ELAC2: variants seen among roughly 807,000 people sequenced by gnomAD.
The protein encoded by ELAC2 is elaC ribonuclease Z 2.
ELAC2 carries 92 observed loss-of-function variants against 105.2 expected under a neutral mutation model. The ratio of observed to expected loss-of-function variants is 0.87; its 90% CI spans 0.74 to 1.04. ELAC2 has a LOEUF of 1.04. Among genes scored for constraint, ELAC2 ranks in the 50% least tolerant of loss-of-function variants. The probability of loss-of-function intolerance (pLI) is 0.00; values close to 1 mark genes in which losing one functional copy is unlikely to be tolerated. For synonymous variants in ELAC2, 468 were observed against 409.1 expected (o/e 1.14, Z -1.74); for missense variants, 1,099 against 1,071.7 (o/e 1.03, Z -0.36).
intron 11 of ELAC2, among the ~76,000 whole-genome samples, chr17:13,004,643 G>C (rs1174406801): frequency 2.6e-5 from 4 of 152,182 alleles, no homozygotes. Flanking sequence ...GCAGGTAATG[G>C]AAGAAAATTA....
Position 12,997,828 on chromosome 17 carries a change from T to A in ELAC2, c.1520+584A>T, listed in dbSNP as rs766731277. Among the ~76,000 whole-genome samples the A allele has an allele frequency of 3.9e-5, 6 of 152,344 alleles. No homozygotes were observed. The Middle Eastern group carries it at 0.01, about 259-fold the overall frequency. ...GATAACGTGTACATGTCACAACGCA[T>A]TTGACTAATCTCTCTGCTGATGACC... On this transcript the variant is annotated intron_variant, in intron 16 of 23. Coordinates refer to ENST00000338034, the MANE Select transcript of ELAC2 (RefSeq NM_018127.7).
In ELAC2 at chr17:13,010,207, G is replaced by A. The variant is rs1567766292; in HGVS notation, c.738+406C>T. Among the ~76,000 whole-genome samples, 4 of 151,492 alleles carry A rather than the reference G, an allele frequency of 2.6e-5. No homozygotes were observed. The South Asian group carries it at 8.3e-4, about 32-fold the overall frequency. On this transcript the variant is annotated intron_variant, in intron 8 of 23. Coordinates refer to ENST00000338034, the MANE Select transcript of ELAC2 (RefSeq NM_018127.7). ...TTTTTCTTTGAGAGAGTCTTGCTCT[G>A]TCACCCAGGCTGGAGTGCAATGGTG...
At chr17:13,017,576 A>C (rs2041814820) in intron 1 of ELAC2, 127 bp downstream of exon 1, 2 of 1,512,690 alleles carry the variant, frequency 1.3e-6, no homozygotes, top group East Asian at 4.7e-5. Context: ...CCATAACTCC[A>C]CGAACCCCCG....
At chr17:13,012,208 G>T (rs748736009) in intron 6 of ELAC2, among the ~76,000 whole-genome samples, 3 of 152,176 alleles carry the variant, frequency 2.0e-5, no homozygotes, top group African/African-American at 4.8e-5. Flanking sequence ...GAGAATGAAC[G>T]TAAGTTCACT....
At position 12,996,058 on chromosome 17, in the gene ELAC2, T is replaced by C. The variant is rs1215238186; in HGVS notation, c.1660-80A>G. The stretch of plus-strand genomic sequence containing the variant: ...GGTTAGGGTCTGCAGCCCTCTCTCT[T>C]GCAGGAGTTGCCAGCCCGACGTCAC... On this transcript the variant is annotated intron_variant, in intron 17 of 23. Coordinates refer to ENST00000338034, the MANE Select transcript of ELAC2 (RefSeq NM_018127.7). The C allele has an allele frequency of 4.7e-6, 7 of 1,488,948 alleles. No individual in the cohort carries two copies. The African/African-American group carries it at 8.4e-5, about 18-fold the overall frequency. 92.2% of individuals were successfully genotyped at this position (1,488,948 alleles called of 1,614,324 possible). A position where few individuals can be genotyped will look rare whatever the true frequency, so the allele number is the denominator to read the frequency against.
At chr17:13,011,587 T>A in intron 7 of ELAC2, 76 bp downstream of exon 7, 1 of 1,610,868 alleles carries the variant, frequency 6.2e-7, no homozygotes, top group East Asian at 2.2e-5. Flanking sequence ...CAATAATGAC[T>A]CTCTACAAGC....
At chr17:13,010,999 T>C (rs75919289) in intron 7 of ELAC2, among the ~76,000 whole-genome samples, 1 of 152,164 alleles carries the variant, frequency 6.6e-6, no homozygotes, top group Admixed American at 6.5e-5. Context: ...ACACATATAA[T>C]ATATGAAATA....
intron 16 of ELAC2, among the ~76,000 whole-genome samples, chr17:12,997,574 C>CG (rs2040541224): frequency 6.6e-6 from 1 of 152,098 alleles, no homozygotes; most frequent in African/African-American, 2.4e-5. Flanking sequence ...TCTCAGCCCC[C>CG]GGGAGAGGCC....
intron 23 of ELAC2, 29 bp from the exon 24 acceptor site, chr17:12,993,074 T>C (rs776663945): frequency 6.3e-7 from 1 of 1,596,684 alleles, no homozygotes; most frequent in South Asian, 1.1e-5. Context: ...GACAAGGACA[T>C]GTCTCAGAGG....
chr17:12,996,248 A>C (rs1293444237), intron 17 of ELAC2: 3 of 625,918 alleles, frequency 4.8e-6, no homozygotes, highest in African/African-American at 1.8e-5. Context: ...TCATAGCCAC[A>C]CCTCCTGCAT....
Position 12,995,765 on chromosome 17 carries a change from G to C in ELAC2, c.1746C>G (p.Asn582Lys). ...ACTGCTGGAGCCAGGCTTTGAGCTG[G>C]TTGGGGGCAACCACCAGCAAAGGGT... ...PLHPLLVVAP[N>K]QLKAWLQQYH... The change falls in exon 19 of 24, where the codon AAC becomes AAG. Residue 582 changes from asparagine (N) to lysine (K), a missense_variant. By Grantham distance (94) the Asn-to-Lys change is moderately conservative. Transcript: ENST00000338034. The C allele has an allele frequency of 6.2e-7, 1 of 1,613,142 alleles. No homozygotes were observed.
chr17:13,005,157 A>G (rs754052669), intron 10 of ELAC2, 56 bp from the exon 11 acceptor site: 1 of 1,274,156 alleles, frequency 7.8e-7, no homozygotes, highest in Non-Finnish European at 1.1e-6. Flanking sequence ...ACCAAACTGA[A>G]CTGCCTTCAA....
Position 12,995,055 on chromosome 17 carries a change from G to A in ELAC2, c.1816C>T (p.Pro606Ser), listed in dbSNP as rs1211428067. 1.9e-6 allele frequency: 3 copies of A among 1,614,098 alleles called. No homozygotes were observed. The highest frequency in any genetic ancestry group is 2.5e-6 in the Non-Finnish European group (3 of 1,179,984). ...GCCCCTTCCTGAAGGCATTTGGCAG[G>A]AATCATACTGTAAAAAGACAAAACA... Reference protein sequence around the residue: ...QEVLHHISMIPAKCLQEGAEI... With the variant: ...QEVLHHISMISAKCLQEGAEI... Residue 606 changes from proline (P) to serine (S), a missense_variant, in exon 20 of 24, where the codon CCT becomes TCT. Physicochemically the swap from Pro to Ser is moderately conservative, Grantham distance 74. Coordinates refer to ENST00000338034, the MANE Select transcript of ELAC2 (RefSeq NM_018127.7).
intron 7 of ELAC2, 60 bp downstream of exon 7, chr17:13,011,603 A>C (rs41494747): frequency 6.2e-7 from 1 of 1,612,880 alleles, no homozygotes; most frequent in South Asian, 1.1e-5. Flanking sequence ...CAAGCATTAC[A>C]AGGCAGAGAA....
chr17:13,013,085 C>A, intron 6 of ELAC2, 122 bp downstream of exon 6: 1 of 1,140,066 alleles, frequency 8.8e-7, no homozygotes, highest in East Asian at 2.5e-5. Flanking sequence ...ACTAAATTTT[C>A]TAATCATGCT....
chr17:12,992,136 T>TTTGATTGA lies in ELAC2; in HGVS notation c.*681_*682insTCAATCAA, dbSNP rs2040208397. Among the ~76,000 whole-genome samples the TTTGATTGA allele has an allele frequency of 1.6e-5, 2 of 122,090 alleles. No individual in the cohort carries two copies. Among genetic ancestry groups the TTTGATTGA allele is most frequent in the East Asian group, 5.4e-4 (2 of 3,692 alleles). 80.1% of individuals were successfully genotyped at this position (122,090 alleles called of 152,430 possible). On this transcript the variant is annotated 3_prime_UTR_variant, in exon 24 of 24. Coordinates refer to ENST00000338034, the MANE Select transcript of ELAC2 (RefSeq NM_018127.7). ...GGCTCTCACTGATTGATTTGATTGA[T>TTTGATTGA]TGATTGATTGATTGATAGAGAAAGC...
chr17:12,995,412 T>G (rs552986535), intron 19 of ELAC2, among the ~76,000 whole-genome samples: 1 of 152,328 alleles, frequency 6.6e-6, no homozygotes, highest in East Asian at 1.9e-4. Context: ...TTTGGGTGCT[T>G]GGCTCTGGAA....
rs575113310 is a variant in ELAC2 at position 13,000,766 on chromosome 17, C to T, written c.1305-492G>A. 9.7e-5 allele frequency: 19 copies of T among 196,122 alleles called. 1 individual carries two copies. The South Asian group carries it at 1.8e-3, about 18-fold the overall frequency. 12.1% of individuals were successfully genotyped at this position (196,122 alleles called of 1,614,324 possible). On this transcript the variant is annotated intron_variant, in intron 14 of 23. Transcript: ENST00000338034. ...GCAGCTCTGCAGTGAGGCCTGAGAT[C>T]CCACTTTCCTAGCAAGCCCCAGATC...
rs1172416525 is a variant in ELAC2 at position 12,994,483 on chromosome 17, T to A, written c.2050A>T (p.Ile684Leu). 1 of 1,614,192 alleles carries A rather than the reference T, an allele frequency of 6.2e-7. No homozygotes were observed. The highest frequency in any genetic ancestry group is 8.5e-7 in the Non-Finnish European group (1 of 1,180,042). ...VRMGKDATLL[I>L]HEATLEDGLE... is the part of the protein sequence containing the mutation. The stretch of plus-strand genomic sequence containing the variant: ...CCATCTTCCAGGGTGGCTTCATGTA[T>A]CAGGAGGGTGGCATCTTTCCCTGGA... The change falls in exon 22 of 24, where the codon ATA (isoleucine) becomes TTA (leucine). Residue 684 changes from isoleucine to leucine, a missense_variant. Transcript: ENST00000338034.
Sources: allele counts gnomAD v4.1 joint callset (sites outside exome capture counted in the v4.1 genomes callset), GRCh38; gene constraint gnomAD v4.1.1; transcripts MANE v1.5; gene names NCBI Gene and HGNC (gene_info 2026-07-23, HGNC 2026-07-21).